The following KCNMB4 variants were observed in gnomAD, a reference collection of about 807,000 sequenced individuals.
The protein encoded by KCNMB4 is potassium calcium-activated channel subfamily M regulatory beta subunit 4, also known as calcium-activated potassium channel subunit beta-4.
Under a neutral mutation model 20.7 loss-of-function variants are expected in KCNMB4, and 3 were observed. The ratio of observed to expected loss-of-function variants is 0.14; its 90% CI spans 0.07 to 0.37. The LOEUF (loss-of-function observed/expected upper bound fraction) is 0.37. Ranked by LOEUF, KCNMB4 falls within the 10% of genes least tolerant of loss-of-function variation. The pLI, the probability that KCNMB4 is intolerant of heterozygous loss-of-function variation, is 1.00. For missense variants in KCNMB4, 168 were observed against 265.9 expected, an observed-to-expected ratio of 0.63 and a Z score of 2.56; for synonymous variants, 110 against 113.4, an observed-to-expected ratio of 0.97 and a Z score of 0.19.
At position 70,366,810 on chromosome 12, in the gene KCNMB4, A is replaced by G. The variant is rs374031800; in HGVS notation, c.76A>G (p.Ile26Val). 371 of 1,612,130 alleles carry G rather than the reference A, an allele frequency of 2.3e-4. No individual in the cohort carries two copies. Among genetic ancestry groups the G allele is most frequent in the Non-Finnish European group, 2.9e-4 (345 of 1,179,810 alleles). Residue 26 changes from isoleucine to valine, a missense_variant, in exon 1 of 3, where the codon ATC (isoleucine) becomes GTC (valine). By Grantham distance (29) the Ile-to-Val change is conservative (BLOSUM62 3). Transcript: ENST00000258111. ...CATCCGGCTCGGCTTGTTTCTCATC[A>G]TCTCCGGCGTCGTGTCGCTCTTCAT... ...KSIRLGLFLI[I>V]SGVVSLFIFG... is the part of the protein sequence containing the mutation.
intron 2 of KCNMB4, among the ~76,000 whole-genome samples, chr12:70,422,143 TATAAGA>T (rs1869083674): frequency 6.6e-6 from 1 of 152,348 alleles, no homozygotes; most frequent in East Asian, 1.9e-4. Context: ...TGAGAACTAT[TATAAGA>T]ATAATCTGTC....
intron 1 of KCNMB4, among the ~76,000 whole-genome samples, chr12:70,373,254 G>A (rs1291566953): frequency 2.6e-5 from 4 of 152,212 alleles, no homozygotes; most frequent in African/African-American, 7.2e-5. Context: ...GAGTTAAAGA[G>A]GGAGTTAAGG....
At chr12:70,375,425 A>C (rs1883667765) in intron 1 of KCNMB4, among the ~76,000 whole-genome samples, 1 of 151,854 alleles carries the variant, frequency 6.6e-6, no homozygotes. Context: ...GCTTGAGGCC[A>C]GGAGTTCAAG....
At chr12:70,407,628 C>T (rs375867137) in intron 2 of KCNMB4, among the ~76,000 whole-genome samples, 12 of 151,664 alleles carry the variant, frequency 7.9e-5, no homozygotes, top group African/African-American at 1.7e-4. Context: ...CCACCACACC[C>T]GGCTAATTTT....
At chr12:70,425,203 G>A (rs559213581) in intron 2 of KCNMB4, among the ~76,000 whole-genome samples, 3 of 152,208 alleles carry the variant, frequency 2.0e-5, no homozygotes, top group Non-Finnish European at 2.9e-5. Flanking sequence ...TAGAGAGGCC[G>A]AGGTGGGCAG....
At chr12:70,400,933 C>G (rs1868432999) in intron 2 of KCNMB4, among the ~76,000 whole-genome samples, 1 of 152,194 alleles carries the variant, frequency 6.6e-6, no homozygotes. Flanking sequence ...TAGAAAATGG[C>G]ATGACCATTC....
intron 1 of KCNMB4, among the ~76,000 whole-genome samples, chr12:70,388,422 C>G (rs904866681): frequency 4.7e-4 from 71 of 151,962 alleles, no homozygotes; most frequent in African/African-American, 1.6e-3. Context: ...TTTAGTTACT[C>G]AAAACTGTTC....
intron 2 of KCNMB4, among the ~76,000 whole-genome samples, chr12:70,430,153 C>G (rs899890460): frequency 7.2e-5 from 11 of 151,934 alleles, no homozygotes; most frequent in African/African-American, 2.7e-4. Flanking sequence ...GATTCAAGCC[C>G]CTTGACCAAT....
intron 1 of KCNMB4, among the ~76,000 whole-genome samples, chr12:70,380,678 G>C (rs1654958): frequency 0.44 from 66,102 of 151,464 alleles, 16,426 homozygotes; most frequent in African/African-American, 0.67. Context: ...ATACATCATG[G>C]ACGGTTGATT....
At chr12:70,380,945 A>G (rs945076659) in intron 1 of KCNMB4, among the ~76,000 whole-genome samples, 2 of 152,264 alleles carry the variant, frequency 1.3e-5, no homozygotes, top group Middle Eastern at 3.2e-3. Context: ...AAAGGACACC[A>G]TCAATAAAAT....
At chr12:70,374,608 A>G (rs1377555704) in intron 1 of KCNMB4, among the ~76,000 whole-genome samples, 1 of 152,176 alleles carries the variant, frequency 6.6e-6, no homozygotes, top group Non-Finnish European at 1.5e-5. Context: ...TGTGTTTATT[A>G]AGTTATTTAA....
At chr12:70,393,803 C>G (rs1868324355) in intron 1 of KCNMB4, among the ~76,000 whole-genome samples, 3 of 147,968 alleles carry the variant, frequency 2.0e-5, no homozygotes, top group African/African-American at 5.1e-5. Context: ...ATAATTTGGG[C>G]ATTTTCCAAC....
At chr12:70,396,070 A>G (rs1315604380) in intron 1 of KCNMB4, among the ~76,000 whole-genome samples, 1 of 152,224 alleles carries the variant, frequency 6.6e-6, no homozygotes, top group South Asian at 2.1e-4. Flanking sequence ...GGACTGCAAC[A>G]GACTTGCCTC....
At position 70,388,273 on chromosome 12, in the gene KCNMB4, T is replaced by G. The variant is rs563044579; in HGVS notation, c.337-11936T>G. ...TCCAAATCTTACCTATTGAAAACAG[T>G]GCTGCAACAAATACAGGAGTGCAGA... On this transcript the variant is annotated intron_variant, in intron 1 of 2. Coordinates refer to ENST00000258111, the MANE Select transcript of KCNMB4 (RefSeq NM_014505.6). 2.6e-5 allele frequency among the ~76,000 whole-genome samples: 4 copies of G among 152,336 alleles called. No individual in the cohort carries two copies. The South Asian group carries it at 8.3e-4, about 32-fold the overall frequency.
chr12:70,427,726 A>G (rs932296135), intron 2 of KCNMB4, among the ~76,000 whole-genome samples: 3 of 152,092 alleles, frequency 2.0e-5, no homozygotes, highest in Non-Finnish European at 4.4e-5. Context: ...TTTTACTCAC[A>G]TTCTTTTTTG....
chr12:70,379,613 G>A (rs977869912), intron 1 of KCNMB4, among the ~76,000 whole-genome samples: 1 of 152,044 alleles, frequency 6.6e-6, no homozygotes, highest in Non-Finnish European at 1.5e-5. Flanking sequence ...GATGGGGTTT[G>A]GCCATGTTTC....
At chr12:70,393,285 C>G (rs557426103) in intron 1 of KCNMB4, among the ~76,000 whole-genome samples, 2 of 152,248 alleles carry the variant, frequency 1.3e-5, no homozygotes, top group East Asian at 3.9e-4. Context: ...TCACTACAAC[C>G]TCTGCCTCCC....
chr12:70,397,805 T>C (rs920580012), intron 1 of KCNMB4, among the ~76,000 whole-genome samples: 9 of 152,188 alleles, frequency 5.9e-5, no homozygotes, highest in African/African-American at 2.2e-4. Flanking sequence ...TGGTTATGAA[T>C]TGTTCTTTCC....
intron 2 of KCNMB4, among the ~76,000 whole-genome samples, chr12:70,417,585 A>C (rs1361658091): frequency 6.6e-6 from 1 of 152,250 alleles, no homozygotes; most frequent in Non-Finnish European, 1.5e-5. Flanking sequence ...TAGTTGGCAC[A>C]GTCTGTAAAA....
Sources: gnomAD v4.1 joint callset for allele counts (sites outside exome capture counted in the v4.1 genomes callset) on GRCh38, gnomAD v4.1.1 for gene constraint, MANE v1.5 for transcripts, NCBI Gene and HGNC (gene_info 2026-07-23, HGNC 2026-07-21) for gene names.